The following GREB1L variants were observed in gnomAD, a reference collection of about 807,000 sequenced individuals.
GREB1L encodes the protein GREB1 like retinoic acid receptor coactivator.
A neutral mutation model predicts 200.8 loss-of-function variants in GREB1L; 17 were observed. The observed-to-expected ratio is 0.08, with a 90% CI of 0.06 to 0.13. The LOEUF (loss-of-function observed/expected upper bound fraction) is 0.13. Among genes scored for constraint, GREB1L ranks in the 10% least tolerant of loss-of-function variants. The pLI is 1.00. For missense variants in GREB1L, 1,657 were observed against 2,367.7 expected, an observed-to-expected ratio of 0.70 and a Z score of 6.23; for synonymous variants, 789 against 893.0, an observed-to-expected ratio of 0.88 and a Z score of 2.08.
chr18:21,324,627 G>A (rs2038995748), intron 1 of GREB1L, among the ~76,000 whole-genome samples: 1 of 152,120 alleles, frequency 6.6e-6, no homozygotes, highest in East Asian at 1.9e-4. Flanking sequence ...TGGCTAACAC[G>A]GTGAAACCCC....
intron 2 of GREB1L, among the ~76,000 whole-genome samples, chr18:21,371,783 CAAAAA>C (rs373133981): frequency 1.3e-5 from 1 of 77,746 alleles, no homozygotes. Flanking sequence ...GACTTCATCT[CAAAAA>C]AAAAAAAAAA....
chr18:21,309,615 A>C (rs2038759556), intron 1 of GREB1L, among the ~76,000 whole-genome samples: 1 of 152,192 alleles, frequency 6.6e-6, no homozygotes, highest in South Asian at 2.1e-4. Flanking sequence ...CTGTTATAAA[A>C]AAGTAAAAGT....
rs1179879248 is a variant in GREB1L at position 21,522,877 on chromosome 18, A to T, written c.*56A>T. On this transcript the variant is annotated 3_prime_UTR_variant, in exon 33 of 33. Transcript: ENST00000424526. Reference sequence around the variant, plus strand: ...TGCCTAGGTGGGATGGGACAGAAACAATTTGGGATTTTTCTTTTTCCTTTA... The same window carrying T: ...TGCCTAGGTGGGATGGGACAGAAACTATTTGGGATTTTTCTTTTTCCTTTA... The T allele has an allele frequency of 2.8e-6, 4 of 1,434,524 alleles. No individual in the cohort carries two copies. Among genetic ancestry groups the T allele is most frequent in the Non-Finnish European group, 3.7e-6 (4 of 1,075,212 alleles). The allele number at this position is 1,434,524 out of a possible 1,614,324, so 88.9% of individuals were successfully genotyped here.
Position 21,247,214 on chromosome 18 carries a change from TTTGCCCCTACCACCCCACCC to T in GREB1L, c.-120+4824_-120+4843del, listed in dbSNP as rs747451213. On this transcript the variant is annotated intron_variant, in intron 1 of 32. Transcript: ENST00000424526. ...CTCTTCTCTTCTACCCAACTCTGTA[TTTGCCCCTACCACCCCACCC>T]TTCAGTGCAGTTGTTTTTGACCTGC... Among the ~76,000 whole-genome samples, 214 of 152,296 alleles carry T rather than the reference TTTGCCCCTACCACCCCACCC, an allele frequency of 1.4e-3. 2 individuals carry two copies. The highest frequency in any genetic ancestry group is 3.7e-4 in the Non-Finnish European group (25 of 68,036).
chr18:21,243,353 T>G (rs2037538467), intron 1 of GREB1L, among the ~76,000 whole-genome samples: 1 of 152,148 alleles, frequency 6.6e-6, no homozygotes, highest in Non-Finnish European at 1.5e-5. Context: ...CTGGAGAAAC[T>G]CCTCAGTCTT....
At chr18:21,385,151 C>G (rs75639572) in intron 4 of GREB1L, among the ~76,000 whole-genome samples, 1 of 152,004 alleles carries the variant, frequency 6.6e-6, no homozygotes, top group Non-Finnish European at 1.5e-5. Context: ...TACTTTGTCC[C>G]GATTAGCCAG....
At chr18:21,256,669 A>G (rs779969928) in intron 1 of GREB1L, among the ~76,000 whole-genome samples, 3 of 152,102 alleles carry the variant, frequency 2.0e-5, no homozygotes, top group Non-Finnish European at 2.9e-5. Flanking sequence ...TTGATTCCAA[A>G]ACAGGTCACA....
intron 13 of GREB1L, among the ~76,000 whole-genome samples, chr18:21,451,572 A>G (rs1046912861): frequency 7.7e-6 from 1 of 130,156 alleles, no homozygotes; most frequent in African/African-American, 2.9e-5. Flanking sequence ...ACTGCTTGAC[A>G]CCACCCCTCT....
intron 1 of GREB1L, among the ~76,000 whole-genome samples, chr18:21,274,051 GC>G (rs1326927439): frequency 5.3e-5 from 8 of 152,092 alleles, no homozygotes; most frequent in Non-Finnish European, 1.2e-4. Flanking sequence ...AAACTGGTTG[GC>G]TTATCAACAA....
At chr18:21,257,004 C>CA (rs747739158) in intron 1 of GREB1L, among the ~76,000 whole-genome samples, 15,885 of 61,306 alleles carry the variant, frequency 0.26, 1,928 homozygotes, top group East Asian at 0.48. Context: ...GACTCCGTCT[C>CA]AAAAAAAAAA....
intron 16 of GREB1L, among the ~76,000 whole-genome samples, chr18:21,476,848 G>A (rs2035722378): frequency 6.6e-6 from 1 of 151,972 alleles, no homozygotes; most frequent in Admixed American, 6.6e-5. Flanking sequence ...CAAAGTGCTG[G>A]GATTACAGAC....
Position 21,449,577 on chromosome 18 carries a change from T to A in GREB1L, c.1461T>A (p.Thr487=), listed in dbSNP as rs2034415192. The A allele has an allele frequency of 6.4e-7, 1 of 1,551,450 alleles. No individual in the cohort carries two copies. ...TGCTGAAAGCTATGCAAGAATTTAC[T>A]CTGAGAGAAAGAGCCCTGCAGATAG... ...QIMLKAMQEF[T]LRERALQIGA... The change falls in exon 12 of 33, where the codon ACT becomes ACA. Residue 487 remains threonine (T), a synonymous_variant. Transcript: ENST00000424526.
At chr18:21,307,006 T>C (rs1405655041) in intron 1 of GREB1L, among the ~76,000 whole-genome samples, 1 of 152,262 alleles carries the variant, frequency 6.6e-6, no homozygotes, top group Non-Finnish European at 1.5e-5. Flanking sequence ...TTCCATTGTG[T>C]TATTTTCTGT....
intron 1 of GREB1L, among the ~76,000 whole-genome samples, chr18:21,293,383 T>C (rs1336645008): frequency 6.6e-6 from 1 of 152,162 alleles, no homozygotes; most frequent in Non-Finnish European, 1.5e-5. Context: ...TAAAATCTCT[T>C]TAATGGGAAC....
At chr18:21,329,446 T>C (rs1254186838) in intron 1 of GREB1L, among the ~76,000 whole-genome samples, 1 of 151,970 alleles carries the variant, frequency 6.6e-6, no homozygotes, top group African/African-American at 2.4e-5. Flanking sequence ...TTGTGAGCAC[T>C]GGTATTTTTT....
In GREB1L at chr18:21,450,978, A is replaced by G. The variant is rs1207050497; in HGVS notation, c.1721-45A>G. On this transcript the variant is annotated intron_variant, in intron 12 of 32. Transcript: ENST00000424526. Reference sequence around the variant, plus strand: ...CCATTATAAGTAATGTTCCAGCAACATTTGTTCTGTTGATGAGTCTTCTCT... The same window carrying G: ...CCATTATAAGTAATGTTCCAGCAACGTTTGTTCTGTTGATGAGTCTTCTCT... 9.1e-6 allele frequency: 14 copies of G among 1,536,770 alleles called. No homozygotes were observed. In the African/African-American group the frequency reaches 1.8e-4, roughly 20 times the overall value.
chr18:21,500,872 C>A (rs1248440966), intron 23 of GREB1L, among the ~76,000 whole-genome samples: 4 of 152,038 alleles, frequency 2.6e-5, no homozygotes, highest in Non-Finnish European at 4.4e-5. Context: ...AGTTCAAGAC[C>A]AGCCTGGGCA....
intron 6 of GREB1L, among the ~76,000 whole-genome samples, chr18:21,403,031 A>G (rs530658945): frequency 6.6e-6 from 1 of 152,276 alleles, no homozygotes; most frequent in South Asian, 2.1e-4. Flanking sequence ...ATAGAAGGTT[A>G]TAGAAAACTG....
In GREB1L at chr18:21,451,169, T is replaced by C; in HGVS notation, c.1849+18T>C. ...ATCATTAGGTGAGTGGTTGTAAGATTTGGCAACACTGGCAGCCCCTAGTTG... is the reference window on the plus strand; with the variant it reads ...ATCATTAGGTGAGTGGTTGTAAGATCTGGCAACACTGGCAGCCCCTAGTTG... On this transcript the variant is annotated intron_variant, in intron 13 of 32. Coordinates refer to ENST00000424526, the MANE Select transcript of GREB1L (RefSeq NM_001142966.3). 1 of 1,550,638 alleles carries C rather than the reference T, an allele frequency of 6.4e-7. No homozygotes were observed. The highest frequency in any genetic ancestry group is 2.4e-5 in the East Asian group (1 of 40,896).
Sources: allele counts gnomAD v4.1 joint callset (sites outside exome capture counted in the v4.1 genomes callset), GRCh38; gene constraint gnomAD v4.1.1; transcripts MANE v1.5; gene names NCBI Gene and HGNC (gene_info 2026-07-23, HGNC 2026-07-21).